PRP4K: variants seen among roughly 807,000 people sequenced by gnomAD.
The protein encoded by PRP4K is serine/threonine-protein kinase PRP4 homolog.
chr6:4,027,056 G>T, the PRP4K span, among the ~76,000 whole-genome samples: 2 of 152,130 alleles, frequency 1.3e-5, no homozygotes, highest in Admixed American at 6.5e-5. Flanking sequence ...AGAGTGTGGG[G>T]GATGTTGGGG....
chr6:4,026,590 A>C, the PRP4K span, among the ~76,000 whole-genome samples: 1 of 152,188 alleles, frequency 6.6e-6, no homozygotes, highest in African/African-American at 2.4e-5. Flanking sequence ...GGTGTGAGCC[A>C]CCGTGCCCGG....
At chr6:4,029,718 G>C in the PRP4K span, among the ~76,000 whole-genome samples, 6 of 151,902 alleles carry the variant, frequency 3.9e-5, no homozygotes, top group Admixed American at 2.0e-4. Flanking sequence ...TAACATCCCT[G>C]CTTAACAAAT....
the PRP4K span, chr6:4,056,590 G>T: frequency 3.8e-6 from 6 of 1,592,596 alleles, no homozygotes; most frequent in African/African-American, 8.0e-5. Flanking sequence ...CAGGTGGAAT[G>T]AAGGTAGTTG....
the PRP4K span, chr6:4,047,268 G>A: frequency 3.2e-6 from 5 of 1,570,580 alleles, no homozygotes; most frequent in Non-Finnish European, 4.4e-6. Flanking sequence ...TTTAAATCAA[G>A]TGTTAAAACA....
chr6:4,040,753 T>G, the PRP4K span: 1 of 1,610,050 alleles, frequency 6.2e-7, no homozygotes, highest in Non-Finnish European at 8.5e-7. Flanking sequence ...TGTATACCTG[T>G]CTTTTCTTCT....
At chr6:4,035,042 T>C in the PRP4K span, among the ~76,000 whole-genome samples, 3 of 152,156 alleles carry the variant, frequency 2.0e-5, no homozygotes, top group African/African-American at 4.8e-5. Context: ...CTCTGTTCTT[T>C]TTATACTAGT....
the PRP4K span, among the ~76,000 whole-genome samples, chr6:4,039,004 T>C: frequency 6.6e-6 from 1 of 152,086 alleles, no homozygotes; most frequent in African/African-American, 2.4e-5. Context: ...TATTCATGTT[T>C]TCTGGAAATA....
At chr6:4,056,726 G>GT in the PRP4K span, 17 of 1,517,290 alleles carry the variant, frequency 1.1e-5, no homozygotes, top group Non-Finnish European at 1.5e-5. Context: ...TGGGACCTTT[G>GT]TTTTTTCCTG....
chr6:4,053,191 A>G, the PRP4K span, among the ~76,000 whole-genome samples: 1 of 152,078 alleles, frequency 6.6e-6, no homozygotes, highest in Non-Finnish European at 1.5e-5. Flanking sequence ...AATGCTGCAC[A>G]TGTTGCTGTT....
chr6:4,040,717 C>T, the PRP4K span: 4 of 1,554,922 alleles, frequency 2.6e-6, no homozygotes, highest in Non-Finnish European at 3.5e-6. Flanking sequence ...ACATGCATGC[C>T]TTTCCCACTT....
the PRP4K span, among the ~76,000 whole-genome samples, chr6:4,025,317 G>A: frequency 6.6e-6 from 1 of 152,164 alleles, no homozygotes; most frequent in Non-Finnish European, 1.5e-5. Context: ...GAAGAAAGTC[G>A]TTGATGATAA....
At chr6:4,032,775 T>C in the PRP4K span, 1 of 1,530,828 alleles carries the variant, frequency 6.5e-7, no homozygotes, top group Non-Finnish European at 8.7e-7. Flanking sequence ...GTACAAAATG[T>C]TAAAGCTTTT....
the PRP4K span, chr6:4,032,011 C>T: frequency 1.5e-5 from 25 of 1,613,680 alleles, no homozygotes; most frequent in Non-Finnish European, 1.9e-5. Flanking sequence ...ACTAGATCTT[C>T]AAGTACAAAG....
chr6:4,062,156 A>G, the PRP4K span: 1 of 152,666 alleles, frequency 6.6e-6, no homozygotes, highest in Non-Finnish European at 1.5e-5. This position sits in a 1 kb window ranked among gnomAD's most constrained non-coding sequence, Gnocchi z 4.2. Flanking sequence ...GGTATAATTC[A>G]GGATTTAACT....
At chr6:4,058,451 T>C in the PRP4K span, among the ~76,000 whole-genome samples, 1 of 152,234 alleles carries the variant, frequency 6.6e-6, no homozygotes. Flanking sequence ...TTGTTGACTC[T>C]CCAATTTTAA....
chr6:4,035,223 T>C, the PRP4K span, among the ~76,000 whole-genome samples: 2 of 149,574 alleles, frequency 1.3e-5, no homozygotes. Context: ...TTCAAGCAAT[T>C]CTCCTGCCTC....
the PRP4K span, chr6:4,021,361 A>G: frequency 1.7e-5 from 26 of 1,549,132 alleles, no homozygotes; most frequent in African/African-American, 1.4e-5. Context: ...TTCTTCCTCC[A>G]CTTCCCCTAC....
At chr6:4,025,886 T>C in the PRP4K span, among the ~76,000 whole-genome samples, 1 of 152,358 alleles carries the variant, frequency 6.6e-6, no homozygotes, top group East Asian at 1.9e-4. Context: ...GTGCCTACTA[T>C]GTGTGTGCAC....
At chr6:4,056,285 G>T in the PRP4K span, 2 of 1,442,700 alleles carry the variant, frequency 1.4e-6, no homozygotes, top group East Asian at 4.5e-5. Context: ...ATTATTCCTG[G>T]CTTGAATTAA....
Sources: gnomAD v4.1 joint callset for allele counts (sites outside exome capture counted in the v4.1 genomes callset) on GRCh38, gnomAD v4.1.1 for gene constraint, Gnocchi (gnomAD v3.1) non-coding constraint, MANE v1.5 for transcripts, NCBI Gene and HGNC (gene_info 2026-07-23, HGNC 2026-07-21) for gene names.